F12: variants seen among roughly 807,000 people sequenced by gnomAD.
F12 encodes coagulation factor XII, also known as Hageman factor.
Under a neutral mutation model 74.8 loss-of-function variants are expected in F12, and 70 were observed. The ratio of observed to expected loss-of-function variants is 0.94; its 90% CI spans 0.77 to 1.14. The LOEUF (loss-of-function observed/expected upper bound fraction) is 1.14, where lower values mean the gene tolerates loss of function less well. Among genes scored for constraint, F12 ranks in the 50% most tolerant of loss-of-function variants. The pLI, the probability that F12 is intolerant of heterozygous loss-of-function variation, is 0.00. For missense variants in F12, 811 were observed against 835.7 expected (o/e 0.97, Z 0.36); for synonymous variants, 373 against 356.4 (o/e 1.05, Z -0.52).
chr5:177,403,883 G>A lies in F12; in HGVS notation c.1226C>T (p.Thr409Met). ...GSLIAPCWVL[T>M]AAHCLQDRPA... ...CCGGTCCTGCAGGCAGTGAGCGGCC[G>A]TCAGCACCCAGCAGGGGGCGATGAG... is the stretch of plus-strand genomic sequence containing the variant. The change falls in exon 10 of 14, where the codon ACG (threonine) becomes ATG (methionine). Residue 409 changes from threonine to methionine, a missense_variant. Coordinates refer to ENST00000253496, the MANE Select transcript of F12 (RefSeq NM_000505.4). 4 of 1,566,244 alleles carry A rather than the reference G, an allele frequency of 2.6e-6. No homozygotes were observed. Among genetic ancestry groups the A allele is most frequent in the South Asian group, 1.1e-5 (1 of 87,090 alleles).
At position 177,405,996 on chromosome 5, in the gene F12, A is replaced by C; in HGVS notation, c.181T>G (p.Cys61Gly). 6.2e-7 allele frequency: 1 copy of C among 1,614,066 alleles called. No homozygotes were observed. The highest frequency in any genetic ancestry group is 8.5e-7 in the Non-Finnish European group (1 of 1,180,036). Residue 61 changes from cysteine (C) to glycine (G), a missense_variant, in exon 3 of 14, where the codon TGT (cysteine) becomes GGT (glycine). Cys to Gly is a radical substitution (Grantham distance 159). Transcript: ENST00000253496. The stretch of plus-strand genomic sequence containing the variant: ...GGGCCTGGCCGGCCCTTGTGGGTAC[A>C]TTTGTGGTACAGCTGCCGGTGGTAC... ...FQYHRQLYHKCTHKGRPGPQP... is the reference protein window; with the variant it reads ...FQYHRQLYHKGTHKGRPGPQP...
Position 177,404,828 on chromosome 5 carries a change from C to A in F12, c.616G>T (p.Gly206Ter). 1.2e-6 allele frequency: 2 copies of A among 1,607,862 alleles called. No homozygotes were observed. Among genetic ancestry groups the A allele is most frequent in the South Asian group, 1.1e-5 (1 of 90,356 alleles). ...RLCHCPVGYT[G>*]AFCDVDTKAS... ...CACTCACCCACGTCGCAGAAGGCTC[C>A]GGTGTAGCCCACCGGGCAGTGGCAC... Residue 206 changes from glycine to a stop codon, truncating the protein, a stop_gained, in exon 7 of 14, where the codon GGA becomes TGA. Coordinates refer to ENST00000253496, the MANE Select transcript of F12 (RefSeq NM_000505.4). LOFTEE classifies it high-confidence loss of function.
Position 177,409,046 on chromosome 5 carries a change from C to T in F12, c.115G>A (p.Val39Ile), listed in dbSNP as rs141342777. ...HKYKAEEHTV[V>I]LTVTGEPCHF... ...CGGGAGGAGGAGCCAGGCCACTTAC[C>T]GACTGTGTGCTCTTCAGCTTTGTAC... Residue 39 changes from valine to isoleucine, a missense_variant and splice_region_variant, in exon 2 of 14, where the codon GTT becomes ATT. Val to Ile is a conservative substitution (Grantham distance 29). Transcript: ENST00000253496. The T allele has an allele frequency of 4.8e-4, 751 of 1,551,310 alleles. 6 individuals are homozygous for T. In the African/African-American group the frequency reaches 8.8e-3, roughly 18 times the overall value.
intron 12 of F12, 69 bp from the exon 13 acceptor site, chr5:177,402,767 T>C: frequency 3.2e-6 from 5 of 1,586,032 alleles, no homozygotes; most frequent in Non-Finnish European, 4.3e-6. Context: ...TGGACAAAGC[T>C]GCTCCAGGCG....
chr5:177,405,448 TG>T lies in F12; in HGVS notation c.287-16del, dbSNP rs757808447. ...GCTGCAGTGGTCTGAGAGATGGACA[TG>T]GTGGAAGGAAGAGCAGGGAGCTGAG... On this transcript the variant is annotated splice_polypyrimidine_tract_variant and intron_variant, in intron 4 of 13. Transcript: ENST00000253496. 6 of 1,609,442 alleles carry T rather than the reference TG, an allele frequency of 3.7e-6. No individual in the cohort carries two copies. The highest frequency in any genetic ancestry group is 5.1e-6 in the Non-Finnish European group (6 of 1,177,496).
intron 2 of F12, among the ~76,000 whole-genome samples, chr5:177,408,050 T>C (rs1368640219): frequency 6.6e-6 from 1 of 151,356 alleles, no homozygotes; most frequent in Non-Finnish European, 1.5e-5. Context: ...TGCCACACTC[T>C]AGGTAAATTT....
In F12 at chr5:177,402,200, A is replaced by C. The variant is rs1763148196; in HGVS notation, c.*92T>G. ...GCCATCCTGGCGCGGAGCTGGCCGCACTGGGGGAATGGGACACAATCTTGC... is the reference window on the plus strand; with the variant it reads ...GCCATCCTGGCGCGGAGCTGGCCGCCCTGGGGGAATGGGACACAATCTTGC... On this transcript the variant is annotated 3_prime_UTR_variant, in exon 14 of 14. Transcript: ENST00000253496. 2.0e-6 allele frequency: 3 copies of C among 1,527,418 alleles called. No homozygotes were observed. The highest frequency in any genetic ancestry group is 2.3e-5 in the South Asian group (2 of 86,090). 94.6% of individuals were successfully genotyped at this position (1,527,418 alleles called of 1,614,324 possible).
Position 177,409,052 on chromosome 5 carries a change from T to C in F12, c.109A>G (p.Thr37Ala). 1 of 1,551,476 alleles carries C rather than the reference T, an allele frequency of 6.4e-7. No individual in the cohort carries two copies. Among genetic ancestry groups the C allele is most frequent in the Non-Finnish European group, 8.7e-7 (1 of 1,147,022 alleles). ...GAGGAGCCAGGCCACTTACCGACTGTGTGCTCTTCAGCTTTGTACTTATGC... is the reference window on the plus strand; with the variant it reads ...GAGGAGCCAGGCCACTTACCGACTGCGTGCTCTTCAGCTTTGTACTTATGC... The part of the protein sequence containing the change: ...KEHKYKAEEH[T>A]VVLTVTGEPC... The change falls in exon 2 of 14, where the codon ACA becomes GCA. Residue 37 changes from threonine (T) to alanine (A), a missense_variant. Transcript: ENST00000253496.
chr5:177,405,932 C>T (rs765817440), intron 3 of F12, 30 bp downstream of exon 3: 20 of 1,609,178 alleles, frequency 1.2e-5, no homozygotes, highest in Non-Finnish European at 1.7e-5. Context: ...TCTCCCAGGC[C>T]CCTGCTCCAA....
Position 177,406,049 on chromosome 5 carries a change from G to T in F12, c.128C>A (p.Thr43Asn). Residue 43 changes from threonine to asparagine, a missense_variant, in exon 3 of 14, where the codon ACC becomes AAC. Coordinates refer to ENST00000253496, the MANE Select transcript of F12 (RefSeq NM_000505.4). ...AEEHTVVLTV[T>N]GEPCHFPFQY... ...GAAGGGGAAGTGGCAGGGCTCCCCGGTGACAGTGAGAACTGCAGGGACAAC... is the reference window on the plus strand; with the variant it reads ...GAAGGGGAAGTGGCAGGGCTCCCCGTTGACAGTGAGAACTGCAGGGACAAC... The T allele has an allele frequency of 6.2e-7, 1 of 1,614,078 alleles. No individual in the cohort carries two copies. Among genetic ancestry groups the T allele is most frequent in the East Asian group, 2.2e-5 (1 of 44,886 alleles).
At position 177,403,945 on chromosome 5, in the gene F12, G is replaced by A. The variant is rs561975736; in HGVS notation, c.1164C>T (p.Ala388=). 1.7e-5 allele frequency: 28 copies of A among 1,600,748 alleles called. No individual in the cohort carries two copies. The highest frequency in any genetic ancestry group is 3.3e-5 in the South Asian group (3 of 90,356). The change falls in exon 10 of 14, where the codon GCC becomes GCT. Residue 388 remains alanine (A), a synonymous_variant. Coordinates refer to ENST00000253496, the MANE Select transcript of F12 (RefSeq NM_000505.4). ...VALRGAHPYI[A]ALYWGHSFCA... ...AGAAACTGTGGCCCCAGTACAGCGC[G>A]GCGATGTAGGGGTGCGCCCCGCGTA...
intron 2 of F12, 113 bp from the exon 3 acceptor site, chr5:177,406,174 G>C (rs1763285372): frequency 3.1e-6 from 3 of 982,514 alleles, no homozygotes. Context: ...GCTGTGCATT[G>C]AAAACACTTT....
At chr5:177,409,313 T>G (rs1763353724) in intron 1 of F12, among the ~76,000 whole-genome samples, 158 bp downstream of exon 1, 1 of 152,144 alleles carries the variant, frequency 6.6e-6, no homozygotes, top group Non-Finnish European at 1.5e-5. Flanking sequence ...TCTGGTTGTC[T>G]GTCTCCTCTG....
At chr5:177,408,987 C>G in intron 2 of F12, 59 bp downstream of exon 2, 1 of 1,506,608 alleles carries the variant, frequency 6.6e-7, no homozygotes, top group Non-Finnish European at 9.0e-7. Context: ...AGACTGCACA[C>G]ACTGCACCAT....
At chr5:177,403,122 C>T in intron 12 of F12, 132 bp downstream of exon 12, 3 of 1,211,536 alleles carry the variant, frequency 2.5e-6, no homozygotes, top group Non-Finnish European at 3.5e-6. Context: ...CCTACACATT[C>T]TCACAACCCA....
rs1315455312 is a variant in F12, at chr5:177,403,973, G to GCCA, written c.1133_1135dup (p.Val378dup). On this transcript the variant is annotated inframe_insertion, in exon 10 of 14. Coordinates refer to ENST00000253496, the MANE Select transcript of F12 (RefSeq NM_000505.4). ...GATGTAGGGGTGCGCCCCGCGTAGC[G>GCCA]CCACCAGCCCGCCAACGACGCGGGT... 1 of 1,602,610 alleles carries GCCA rather than the reference G, an allele frequency of 6.2e-7. No individual in the cohort carries two copies. The highest frequency in any genetic ancestry group is 1.3e-5 in the African/African-American group (1 of 74,926).
At position 177,405,412 on chromosome 5, in the gene F12, G is replaced by A. The variant is rs769517704; in HGVS notation, c.308C>T (p.Pro103Leu). The change falls in exon 5 of 14, where the codon CCC (proline) becomes CTC (leucine). Residue 103 changes from proline (P) to leucine (L), a missense_variant. Coordinates refer to ENST00000253496, the MANE Select transcript of F12 (RefSeq NM_000505.4). ...KVKDHCSKHS[P>L]CQKGGTCVNM... ...CACACAGGTCCCTCCTTTCTGGCAG[G>A]GGCTGTGTTTGCTGCAGTGGTCTGA... 2 of 1,613,888 alleles carry A rather than the reference G, an allele frequency of 1.2e-6. No individual in the cohort carries two copies. Among genetic ancestry groups the A allele is most frequent in the South Asian group, 2.2e-5 (2 of 91,002 alleles).
chr5:177,407,921 G>A (rs181396731), intron 2 of F12, among the ~76,000 whole-genome samples: 94 of 152,216 alleles, frequency 6.2e-4, no homozygotes, highest in Admixed American at 2.0e-3. Flanking sequence ...GGTGAAGAGA[G>A]GAGGCTGAGG....
intron 4 of F12, 31 bp downstream of exon 4, chr5:177,405,704 C>T (rs1581658879): frequency 1.2e-6 from 2 of 1,610,256 alleles, no homozygotes; most frequent in Non-Finnish European, 1.7e-6. Context: ...AGGAGAGAGC[C>T]CCAGGCCACC....
Sources: allele counts gnomAD v4.1 joint callset (sites outside exome capture counted in the v4.1 genomes callset), GRCh38; gene constraint gnomAD v4.1.1; transcripts MANE v1.5; gene names NCBI Gene and HGNC (gene_info 2026-07-23, HGNC 2026-07-21).